Variants in KIF1A observed in about 807,000 individuals in gnomAD.
KIF1A encodes the protein kinesin family member 1A, also known as kinesin-like protein KIF1A.
In KIF1A, 46 loss-of-function variants were observed where a neutral mutation model predicts 227.3. That is an observed-to-expected ratio of 0.20 (90% confidence interval 0.16 to 0.26). The LOEUF (loss-of-function observed/expected upper bound fraction) is 0.26. KIF1A is among the 10% of genes least tolerant of loss of function. The pLI, the probability that KIF1A is intolerant of heterozygous loss-of-function variation, is 1.00. For missense variants in KIF1A, 1,683 were observed against 2,485.9 expected, an observed-to-expected ratio of 0.68 and a Z score of 6.87; for synonymous variants, 1,022 against 1,012.8, an observed-to-expected ratio of 1.01 and a Z score of -0.17.
chr2:240,769,569 G>C, intron 16 of KIF1A, 58 bp downstream of exon 16: 1 of 1,447,094 alleles, frequency 6.9e-7, no homozygotes, highest in Non-Finnish European at 9.6e-7. Context: ...ATCCTGCCCA[G>C]GCTCCGGGCT....
chr2:240,721,937 C>CAG (rs2125593008), intron 43 of KIF1A, 53 bp from the exon 44 acceptor site: 1 of 1,465,410 alleles, frequency 6.8e-7, no homozygotes, highest in African/African-American at 1.4e-5. Context: ...GGACCCTGCT[C>CAG]AGACAGCCTT....
At position 240,779,547 on chromosome 2, in the gene KIF1A, G is replaced by T. The variant is rs560514370; in HGVS notation, c.882+3043C>A. On this transcript the variant is annotated intron_variant, in intron 10 of 48. Transcript: ENST00000498729. The stretch of plus-strand genomic sequence containing the variant: ...ACAGTTCCACACTCAGTTCCTCATA[G>T]TTCCACTCAGTTCCTCACTCAGTTC... Among the ~76,000 whole-genome samples, 146 of 132,630 alleles carry T rather than the reference G, an allele frequency of 1.1e-3. No homozygotes were observed. The Middle Eastern group carries it at 0.022, about 20-fold the overall frequency. The allele number at this position is 132,630 out of a possible 152,430, so 87.0% of individuals were successfully genotyped here.
intron 1 of KIF1A, among the ~76,000 whole-genome samples, chr2:240,813,984 A>T (rs2058142655): frequency 6.6e-6 from 1 of 152,220 alleles, no homozygotes; most frequent in African/African-American, 2.4e-5. Context: ...AAACGTGAAG[A>T]TTTTAGAGAT....
chr2:240,748,955 T>C (rs1248058792), intron 28 of KIF1A, among the ~76,000 whole-genome samples: 1 of 151,974 alleles, frequency 6.6e-6, no homozygotes, highest in East Asian at 1.9e-4. Context: ...ACCCCGTCTC[T>C]ACTAAAAATA....
chr2:240,731,849 GT>G (rs2046639543), intron 38 of KIF1A, among the ~76,000 whole-genome samples: 1 of 144,322 alleles, frequency 6.9e-6, no homozygotes, highest in South Asian at 2.4e-4. Flanking sequence ...AGCCTGCTTG[GT>G]TAGTGTCTGC....
At chr2:240,723,630 G>T in intron 41 of KIF1A, 72 bp from the exon 42 acceptor site, 2 of 1,450,530 alleles carry the variant, frequency 1.4e-6, no homozygotes, top group Non-Finnish European at 1.8e-6. Context: ...CTAGAGGTCC[G>T]CCCATCTGTG....
At chr2:240,760,980 G>T in intron 24 of KIF1A, 137 bp from the exon 25 acceptor site, 2 of 963,760 alleles carry the variant, frequency 2.1e-6, no homozygotes, top group South Asian at 1.8e-5. Flanking sequence ...TCAGACAGCC[G>T]CCAGGGGGGA....
rs868100125 is a variant in KIF1A at position 240,800,148 on chromosome 2, T to A, written c.-60-2336A>T. Among the ~76,000 whole-genome samples the A allele has an allele frequency of 2.7e-3, 286 of 104,976 alleles. 2 individuals are homozygous for A. Among genetic ancestry groups the A allele is most frequent in the African/African-American group, 8.1e-3 (255 of 31,558 alleles). The allele number at this position is 104,976 out of a possible 152,430, so 68.9% of individuals were successfully genotyped here. A position where few individuals can be genotyped will look rare whatever the true frequency, so the allele number is the denominator to read the frequency against. On this transcript the variant is annotated intron_variant, in intron 1 of 48. Transcript: ENST00000498729. ...CACACACACACACACACACACACACTAAAGAAAAAGGCAGCAATTTAGGGA... is the reference window on the plus strand; with the variant it reads ...CACACACACACACACACACACACACAAAAGAAAAAGGCAGCAATTTAGGGA...
chr2:240,740,434 A>G lies in KIF1A; in HGVS notation c.3750-70T>C. ...CTGCCCTCCCCGCAGCACAGGACAC[A>G]GTGGACGGGAGCAAAAACAGGGAAA... On this transcript the variant is annotated intron_variant, in intron 35 of 48. Transcript: ENST00000498729. This position sits in a 1 kb window ranked among gnomAD's most constrained non-coding sequence, Gnocchi z 6.1. The G allele has an allele frequency of 7.7e-7, 1 of 1,305,968 alleles. No individual in the cohort carries two copies. Among genetic ancestry groups the G allele is most frequent in the South Asian group, 1.2e-5 (1 of 81,892 alleles). 80.9% of individuals were successfully genotyped at this position (1,305,968 alleles called of 1,614,324 possible). A position where few individuals can be genotyped will look rare whatever the true frequency, so the allele number is the denominator to read the frequency against.
intron 37 of KIF1A, among the ~76,000 whole-genome samples, chr2:240,737,833 C>A (rs2047522220): frequency 6.6e-6 from 1 of 152,212 alleles, no homozygotes. Flanking sequence ...TAAACAAACA[C>A]ATGTACATTT....
chr2:240,800,248 A>G (rs1413650060), intron 1 of KIF1A, among the ~76,000 whole-genome samples: 1 of 152,180 alleles, frequency 6.6e-6, no homozygotes, highest in Non-Finnish European at 1.5e-5. Context: ...CTTGATCTTT[A>G]AAATGTAAAA....
chr2:240,765,037 G>C (rs933492510), intron 20 of KIF1A, among the ~76,000 whole-genome samples: 3 of 152,118 alleles, frequency 2.0e-5, no homozygotes, highest in Non-Finnish European at 4.4e-5. Context: ...TTTATACCTA[G>C]ACATGGTTGT....
In KIF1A at chr2:240,757,611, A is replaced by G; in HGVS notation, c.2583-17T>C. 6.5e-7 allele frequency: 1 copy of G among 1,549,602 alleles called. No homozygotes were observed. Among genetic ancestry groups the G allele is most frequent in the Non-Finnish European group, 8.7e-7 (1 of 1,146,576 alleles). On this transcript the variant is annotated splice_polypyrimidine_tract_variant and intron_variant, in intron 26 of 48. Coordinates refer to ENST00000498729, the MANE Select transcript of KIF1A (RefSeq NM_001244008.2). The surrounding 1 kb of genome is among the most constrained non-coding windows in gnomAD (Gnocchi z 6.2). ...ATGGCTGAACTGAGGTTAGTGCGAC[A>G]AGACAGAGAGAAGTTAACACCAGCG... is the stretch of plus-strand genomic sequence containing the variant.
Position 240,773,162 on chromosome 2 carries a change from G to T in KIF1A, c.1132C>A (p.Arg378=), listed in dbSNP as rs1438039466. 3 of 1,613,802 alleles carry T rather than the reference G, an allele frequency of 1.9e-6. No individual in the cohort carries two copies. The change falls in exon 13 of 49, where the codon CGG becomes AGG. Residue 378 remains arginine, a synonymous_variant. Coordinates refer to ENST00000498729, the MANE Select transcript of KIF1A (RefSeq NM_001244008.2). The part of the protein sequence containing the change: ...LIRELKDEVT[R]LRDLLYAQGL... ...TGGGCGTACAGAAGGTCCCGCAGCC[G>T]GGTCACCTCATCCTTCAGCTCGCGG...
At chr2:240,782,400 G>T (rs1438584114) in intron 10 of KIF1A, among the ~76,000 whole-genome samples, 190 bp downstream of exon 10, 1 of 151,962 alleles carries the variant, frequency 6.6e-6, no homozygotes, top group East Asian at 1.9e-4. Flanking sequence ...GACGCCCTCC[G>T]TCCCCGCAGG....
rs1192568822 is a variant in KIF1A, at chr2:240,776,949, T to C, written c.883-1023A>G. Among the ~76,000 whole-genome samples the C allele has an allele frequency of 3.9e-5, 6 of 152,252 alleles. 1 individual carries two copies. The highest frequency in any genetic ancestry group is 8.8e-5 in the Non-Finnish European group (6 of 68,046). ...TGCGAGCAGGGTTTCAGGGTGTCCA[T>C]CTCGCAGCTCAGCAGCATAACTGAC... On this transcript the variant is annotated intron_variant, in intron 10 of 48. Transcript: ENST00000498729.
At chr2:240,750,991 G>A (rs60185985) in intron 27 of KIF1A, among the ~76,000 whole-genome samples, 13,209 of 152,126 alleles carry the variant, frequency 0.087, 653 homozygotes, top group African/African-American at 0.13. Context: ...CACGGACCCC[G>A]CAGAACCCCT....
At chr2:240,729,146 A>T (rs1341658476) in intron 38 of KIF1A, among the ~76,000 whole-genome samples, 1 of 152,068 alleles carries the variant, frequency 6.6e-6, no homozygotes, top group African/African-American at 2.4e-5. Context: ...ACACTCTAGC[A>T]TCCTCATTAC....
rs1384096859 is a variant in KIF1A at position 240,743,934 on chromosome 2, G to T, written c.3584+8C>A. 6.3e-7 allele frequency: 1 copy of T among 1,596,382 alleles called. No homozygotes were observed. The highest frequency in any genetic ancestry group is 1.7e-5 in the Admixed American group (1 of 59,986). ...GCAGCCCCGAACCCCCCGACCCAGG[G>T]CGCTAACCTGAGCACGTCCTTGCAG... On this transcript the variant is annotated splice_region_variant and intron_variant, in intron 33 of 48. Transcript: ENST00000498729.
Sources: gnomAD v4.1 joint callset for allele counts (sites outside exome capture counted in the v4.1 genomes callset) on GRCh38, gnomAD v4.1.1 for gene constraint, Gnocchi (gnomAD v3.1) non-coding constraint, MANE v1.5 for transcripts, NCBI Gene and HGNC (gene_info 2026-07-23, HGNC 2026-07-21) for gene names.